Variants in RDX observed in about 807,000 individuals in gnomAD.
The protein encoded by RDX is deafness, autosomal recessive 24.
Under a neutral mutation model 83.7 loss-of-function variants are expected in RDX, and 32 were observed. The observed-to-expected ratio is 0.38, with a 90% CI of 0.29 to 0.51. The LOEUF (loss-of-function observed/expected upper bound fraction) is 0.51. Ranked by LOEUF, RDX falls within the 20% of genes least tolerant of loss-of-function variation. The probability of loss-of-function intolerance (pLI) is 0.87; values close to 1 mark genes in which losing one functional copy is unlikely to be tolerated. For missense variants in RDX, 600 were observed against 689.9 expected (o/e 0.87, Z 1.46); for synonymous variants, 229 against 222.7 (o/e 1.03, Z -0.25).
Position 110,231,441 on chromosome 11 carries a change from TGAGAAAATGTGAGTGA to T in RDX, c.*412_*427del, listed in dbSNP as rs1705250107. 1 of 240,720 alleles carries T rather than the reference TGAGAAAATGTGAGTGA, an allele frequency of 4.2e-6. No individual in the cohort carries two copies. Among genetic ancestry groups the T allele is most frequent in the African/African-American group, 2.3e-5 (1 of 44,200 alleles). 14.9% of individuals were successfully genotyped at this position (240,720 alleles called of 1,614,324 possible). On this transcript the variant is annotated 3_prime_UTR_variant, in exon 14 of 14. Coordinates refer to ENST00000645495, the MANE Select transcript of RDX (RefSeq NM_002906.4). ...CATGGCAGATAAGAGAAGGGCACAC[TGAGAAAATGTGAGTGA>T]GAGAGAATGTGGAAATAGGTTAAAT...
chr11:110,204,737 G>A (rs902040971), intron 14 of RDX, among the ~76,000 whole-genome samples: 1 of 151,972 alleles, frequency 6.6e-6, no homozygotes, highest in Non-Finnish European at 1.5e-5. Flanking sequence ...GGCTGGTCTC[G>A]ATCTCCTGAC....
At chr11:110,218,221 T>TA (rs1864125228) in intron 14 of RDX, among the ~76,000 whole-genome samples, 1 of 152,194 alleles carries the variant, frequency 6.6e-6, no homozygotes, top group Non-Finnish European at 1.5e-5. Flanking sequence ...TCTTGGAGCA[T>TA]AAGAATTATG....
chr11:110,252,134 G>A (rs1163635032), intron 9 of RDX, among the ~76,000 whole-genome samples: 1 of 152,112 alleles, frequency 6.6e-6, no homozygotes, highest in Non-Finnish European at 1.5e-5. Flanking sequence ...ATATCTCCTA[G>A]GCATTCAAAC....
downstream of RDX, among the ~76,000 whole-genome samples, chr11:110,228,844 T>C (rs1243718375): frequency 6.6e-6 from 1 of 151,908 alleles, no homozygotes; most frequent in East Asian, 1.9e-4. Flanking sequence ...TAAAATTCCA[T>C]TTTCTGACAG....
chr11:110,233,508 A>G (rs1246759889), intron 12 of RDX, 29 bp from the exon 13 acceptor site: 1 of 1,612,064 alleles, frequency 6.2e-7, no homozygotes, highest in African/African-American at 1.3e-5. Context: ...TTTATGAGCA[A>G]CTTACTTCAA....
chr11:110,215,036 C>CAAA (rs1195888196), intron 14 of RDX, among the ~76,000 whole-genome samples: 245 of 125,734 alleles, frequency 1.9e-3, no homozygotes, highest in African/African-American at 7.0e-3. Flanking sequence ...GGAGACCTAA[C>CAAA]AAAAAAAAAA....
At chr11:110,272,372 A>G (rs1860340776) in intron 3 of RDX, among the ~76,000 whole-genome samples, 164 bp downstream of exon 3, 1 of 152,250 alleles carries the variant, frequency 6.6e-6, no homozygotes, top group Non-Finnish European at 1.5e-5. Flanking sequence ...AAGAATAAAG[A>G]ATATCCCTAC....
chr11:110,187,823 T>C (rs115690568), intron 15 of RDX, among the ~76,000 whole-genome samples: 152 of 152,310 alleles, frequency 1.0e-3, no homozygotes, highest in African/African-American at 3.5e-3. Context: ...GATCAACCCA[T>C]TGCCTGAGGA....
At chr11:110,193,306 A>C (rs1445030055) in intron 15 of RDX, among the ~76,000 whole-genome samples, 2 of 152,198 alleles carry the variant, frequency 1.3e-5, no homozygotes, top group Non-Finnish European at 2.9e-5. Context: ...TATAAGTGGG[A>C]GCTAAACATT....
At chr11:110,255,443 G>T in intron 7 of RDX, 58 bp from the exon 8 acceptor site, 2 of 908,512 alleles carry the variant, frequency 2.2e-6, no homozygotes, top group Non-Finnish European at 3.7e-6. Context: ...TAAAATTCCT[G>T]TTTAGGACCT....
chr11:110,209,671 TCCCTGAC>T (rs1222191267), intron 14 of RDX, among the ~76,000 whole-genome samples: 3 of 147,076 alleles, frequency 2.0e-5, no homozygotes, highest in East Asian at 4.2e-4. Flanking sequence ...CTCAAGTGGG[TCCCTGAC>T]CCCTGACCCC....
At chr11:110,205,035 G>C (rs1295925032) in intron 14 of RDX, among the ~76,000 whole-genome samples, 1 of 152,114 alleles carries the variant, frequency 6.6e-6, no homozygotes, top group Non-Finnish European at 1.5e-5. Flanking sequence ...AATTAAGACA[G>C]AATAGTATTG....
intron 2 of RDX, among the ~76,000 whole-genome samples, chr11:110,277,676 TA>T (rs200327734): frequency 3.9e-3 from 543 of 140,730 alleles, no homozygotes; most frequent in East Asian, 5.3e-3. Context: ...TTTTGTCCAC[TA>T]AAAAAAAAAA....
chr11:110,280,589 A>G (rs1180497625), intron 1 of RDX, among the ~76,000 whole-genome samples: 1 of 152,232 alleles, frequency 6.6e-6, no homozygotes, highest in Admixed American at 6.5e-5. Context: ...GAATGGAGAA[A>G]AATATGAATA....
Position 110,279,663 on chromosome 11 carries a change from G to A in RDX, c.12+18C>T. On this transcript the variant is annotated intron_variant, in intron 2 of 13. Coordinates refer to ENST00000645495, the MANE Select transcript of RDX (RefSeq NM_002906.4). The stretch of plus-strand genomic sequence containing the variant: ...TCTTATTATTGAGACACTGTCAAAT[G>A]TAATAAAATACACTTACTGGTTTCG... The A allele has an allele frequency of 6.7e-7, 1 of 1,483,044 alleles. No homozygotes were observed. The highest frequency in any genetic ancestry group is 1.4e-5 in the African/African-American group (1 of 72,366). 91.9% of individuals were successfully genotyped at this position (1,483,044 alleles called of 1,614,324 possible). A position where few individuals can be genotyped will look rare whatever the true frequency, so the allele number is the denominator to read the frequency against.
At chr11:110,265,043 ACTC>A (rs1293247339) in intron 3 of RDX, among the ~76,000 whole-genome samples, 169 bp from the exon 4 acceptor site, 1 of 150,494 alleles carries the variant, frequency 6.6e-6, no homozygotes, top group African/African-American at 2.4e-5. Context: ...ATTTTTGAAA[ACTC>A]AAATTCAAGT....
intron 7 of RDX, among the ~76,000 whole-genome samples, chr11:110,256,613 G>C (rs1591157451): frequency 6.6e-6 from 1 of 152,104 alleles, no homozygotes; most frequent in South Asian, 2.1e-4. Flanking sequence ...AGTGGCTCAC[G>C]CCTGTAATCT....
chr11:110,258,276 T>C, intron 5 of RDX, 87 bp from the exon 6 acceptor site: 1 of 828,008 alleles, frequency 1.2e-6, no homozygotes, highest in Admixed American at 2.6e-5. Context: ...TTTCAGTAAC[T>C]TGACTGTGGT....
chr11:110,266,950 G>C (rs1038932698), intron 3 of RDX, among the ~76,000 whole-genome samples: 1 of 152,002 alleles, frequency 6.6e-6, no homozygotes, highest in Admixed American at 6.6e-5. Flanking sequence ...CCAGGCTGGA[G>C]TGCAGTGGTG....
Sources: allele counts gnomAD v4.1 joint callset (sites outside exome capture counted in the v4.1 genomes callset), GRCh38; gene constraint gnomAD v4.1.1; transcripts MANE v1.5; gene names NCBI Gene and HGNC (gene_info 2026-07-23, HGNC 2026-07-21).